The following SMAP1 variants were observed in gnomAD, a reference collection of about 807,000 sequenced individuals.
The protein encoded by SMAP1 is small ArfGAP 1, also known as stromal membrane-associated protein 1.
SMAP1 carries 24 observed loss-of-function variants against 58.5 expected under a neutral mutation model. That is an observed-to-expected ratio of 0.41 (90% CI 0.30 to 0.58). The LOEUF (loss-of-function observed/expected upper bound fraction) is 0.58, where lower values mean the gene tolerates loss of function less well. Ranked by LOEUF, SMAP1 falls within the 20% of genes least tolerant of loss-of-function variation. The probability of loss-of-function intolerance (pLI) is 0.29; values close to 1 mark genes in which losing one functional copy is unlikely to be tolerated. For synonymous variants in SMAP1, 216 were observed against 196.6 expected (o/e 1.10, Z -0.82); for missense variants, 563 against 566.3 (o/e 0.99, Z 0.06).
intron 1 of SMAP1, among the ~76,000 whole-genome samples, chr6:70,689,165 C>T (rs576347688): frequency 2.7e-4 from 41 of 151,980 alleles, no homozygotes; most frequent in African/African-American, 3.4e-4. Context: ...TGCGCCACCA[C>T]GCCTGGCTAA....
chr6:70,677,432 CTTTTTTTTTTTTTTTT>C lies in SMAP1; in HGVS notation c.118+9304_118+9319del, dbSNP rs58133069. 2.0e-4 allele frequency among the ~76,000 whole-genome samples: 12 copies of C among 60,426 alleles called. No individual in the cohort carries two copies. The South Asian group carries it at 8.1e-3, about 41-fold the overall frequency. The allele number at this position is 60,426 out of a possible 152,430, so 39.6% of individuals were successfully genotyped here. A position where few individuals can be genotyped will look rare whatever the true frequency, so the allele number is the denominator to read the frequency against. ...TCTTGAATCCCATACCTTGTCACTT[CTTTTTTTTTTTTTTTT>C]TTTTTTTTTTTTGAGGTGGAGTGCC... is the stretch of plus-strand genomic sequence containing the variant. On this transcript the variant is annotated intron_variant, in intron 1 of 10. Coordinates refer to ENST00000370455, the MANE Select transcript of SMAP1 (RefSeq NM_001044305.3).
At chr6:70,837,964 A>T in intron 7 of SMAP1, 1 of 1,052,986 alleles carries the variant, frequency 9.5e-7, no homozygotes, top group Non-Finnish European at 1.2e-6. Context: ...GTACAAATAT[A>T]CTCCCTGGAG....
chr6:70,764,810 C>CT (rs758153450), intron 3 of SMAP1, among the ~76,000 whole-genome samples: 218 of 151,258 alleles, frequency 1.4e-3, no homozygotes, highest in Middle Eastern at 3.4e-3. Flanking sequence ...AGTGTTTTTT[C>CT]TTTTTTTTTG....
chr6:70,694,212 C>A, intron 1 of SMAP1: 1 of 283,206 alleles, frequency 3.5e-6, no homozygotes, highest in Non-Finnish European at 6.9e-6. Flanking sequence ...ATGGATAAGG[C>A]ATCTCAAGAG....
intron 6 of SMAP1, among the ~76,000 whole-genome samples, chr6:70,830,906 C>CCA (rs1202553258): frequency 1.3e-5 from 2 of 152,160 alleles, no homozygotes; most frequent in Non-Finnish European, 2.9e-5. Context: ...TTAGCATGTA[C>CCA]ACAGGGTACT....
At position 70,860,367 on chromosome 6, in the gene SMAP1, A is replaced by G; in HGVS notation, c.*33A>G. The G allele has an allele frequency of 6.3e-7, 1 of 1,582,574 alleles. No homozygotes were observed. On this transcript the variant is annotated 3_prime_UTR_variant, in exon 11 of 11. Transcript: ENST00000370455. ...AATACAAGTTTCATCCAGAACTACC[A>G]CCTGACATTCCTTGCTGAAACGCAT... is the stretch of plus-strand genomic sequence containing the variant.
intron 5 of SMAP1, among the ~76,000 whole-genome samples, chr6:70,794,793 T>C (rs1012168993): frequency 4.7e-5 from 7 of 148,794 alleles, no homozygotes; most frequent in South Asian, 2.1e-4. Flanking sequence ...CTTTTCTTTT[T>C]TTTTTTTTTT....
chr6:70,773,450 CAATT>C (rs752444522), intron 4 of SMAP1, 25 bp downstream of exon 4: 39 of 1,377,050 alleles, frequency 2.8e-5, no homozygotes, highest in South Asian at 3.9e-5. Context: ...CATCTCTCAT[CAATT>C]GTTTGTTGAC....
At chr6:70,840,307 C>T (rs971640341) in intron 7 of SMAP1, among the ~76,000 whole-genome samples, 8 of 152,238 alleles carry the variant, frequency 5.3e-5, no homozygotes, top group African/African-American at 1.9e-4. Context: ...CTTTAATGAA[C>T]TTACTTTCTT....
intron 7 of SMAP1, among the ~76,000 whole-genome samples, chr6:70,847,564 C>T (rs1474009913): frequency 1.3e-5 from 2 of 152,154 alleles, no homozygotes; most frequent in East Asian, 1.9e-4. Context: ...CTTCATTTTA[C>T]TGCATTGTCC....
At chr6:70,712,719 G>T (rs961049151) in intron 1 of SMAP1, among the ~76,000 whole-genome samples, 3 of 150,508 alleles carry the variant, frequency 2.0e-5, no homozygotes, top group Non-Finnish European at 3.0e-5. Flanking sequence ...TCAATTTATT[G>T]GCACCTAGTT....
At chr6:70,759,786 T>C in intron 3 of SMAP1, 1 of 352,868 alleles carries the variant, frequency 2.8e-6, no homozygotes, top group Non-Finnish European at 5.8e-6. Flanking sequence ...TATAGTGAAT[T>C]GATTGGTGTC....
intron 6 of SMAP1, among the ~76,000 whole-genome samples, chr6:70,822,555 A>G (rs1403752290): frequency 6.6e-6 from 1 of 152,158 alleles, no homozygotes; most frequent in Admixed American, 6.5e-5. Flanking sequence ...GAAGCAAGAA[A>G]AGGTAAGGGC....
chr6:70,839,574 G>T (rs1770724706), intron 7 of SMAP1, among the ~76,000 whole-genome samples: 1 of 152,186 alleles, frequency 6.6e-6, no homozygotes, highest in South Asian at 2.1e-4. Context: ...GGAGAAGTTA[G>T]GGAATGTTTG....
chr6:70,784,948 T>C (rs1014535687), intron 4 of SMAP1, among the ~76,000 whole-genome samples: 10 of 152,064 alleles, frequency 6.6e-5, no homozygotes, highest in African/African-American at 1.7e-4. Context: ...CTGCACCAAG[T>C]GGACCTAATA....
At chr6:70,784,056 G>A (rs1201686753) in intron 4 of SMAP1, among the ~76,000 whole-genome samples, 1 of 152,134 alleles carries the variant, frequency 6.6e-6, no homozygotes, top group African/African-American at 2.4e-5. Context: ...CAGAGAGAAA[G>A]GTCGGGTTAC....
At chr6:70,747,238 A>G (rs1346229150) in intron 2 of SMAP1, among the ~76,000 whole-genome samples, 1 of 152,150 alleles carries the variant, frequency 6.6e-6, no homozygotes, top group African/African-American at 2.4e-5. Flanking sequence ...AAGTTTTAAT[A>G]TTTTTTAAAT....
At chr6:70,828,040 T>C (rs937962045) in intron 6 of SMAP1, among the ~76,000 whole-genome samples, 1 of 152,126 alleles carries the variant, frequency 6.6e-6, no homozygotes, top group African/African-American at 2.4e-5. Context: ...ATATGCAAAA[T>C]TTTTTCTCAC....
At chr6:70,766,333 A>G (rs1232314491) in intron 3 of SMAP1, among the ~76,000 whole-genome samples, 4 of 152,244 alleles carry the variant, frequency 2.6e-5, no homozygotes, top group East Asian at 3.8e-4. Context: ...TGACTTCCAC[A>G]ATGGTTGAAC....
Sources: gnomAD v4.1 joint callset for allele counts (sites outside exome capture counted in the v4.1 genomes callset) on GRCh38, gnomAD v4.1.1 for gene constraint, MANE v1.5 for transcripts, NCBI Gene and HGNC (gene_info 2026-07-23, HGNC 2026-07-21) for gene names.